ANK1: variants seen among roughly 807,000 people sequenced by gnomAD.
ANK1 encodes the protein ankyrin 1.
ANK1 carries 51 observed loss-of-function variants against 210.4 expected under a neutral mutation model. That is an observed-to-expected ratio of 0.24 (90% CI 0.19 to 0.31). ANK1 has a LOEUF of 0.31. ANK1 is among the 10% of genes least tolerant of loss of function. ANK1 has a pLI of 1.00. For synonymous variants in ANK1, 967 were observed against 1,025.9 expected (o/e 0.94, Z 1.10); for missense variants, 2,051 against 2,504.4 (o/e 0.82, Z 3.86).
At chr8:41,839,091 T>TATTCTCAAA (rs1808370261) in intron 1 of ANK1, among the ~76,000 whole-genome samples, 1 of 151,922 alleles carries the variant, frequency 6.6e-6, no homozygotes, top group Non-Finnish European at 1.5e-5. Context: ...AATAAATAAA[T>TATTCTCAAA]AAATAAAGAT....
At chr8:41,781,366 C>T (rs982196112) in intron 1 of ANK1, among the ~76,000 whole-genome samples, 34 of 152,352 alleles carry the variant, frequency 2.2e-4, no homozygotes, top group African/African-American at 8.2e-4. Flanking sequence ...GGAAGGGCTA[C>T]CATGCCAGGC....
At chr8:41,890,704 G>A (rs1376432658) in intron 1 of ANK1, among the ~76,000 whole-genome samples, 31 of 120,472 alleles carry the variant, frequency 2.6e-4, no homozygotes, top group Admixed American at 6.5e-4. Flanking sequence ...GCGAGACTCC[G>A]TCTCAAAAAA....
intron 10 of ANK1, among the ~76,000 whole-genome samples, chr8:41,719,302 G>A (rs948728123): frequency 2.0e-5 from 3 of 152,110 alleles, no homozygotes; most frequent in Non-Finnish European, 2.9e-5. Flanking sequence ...AGAAAGCCAC[G>A]CAGCCTCTAA....
rs1195087627 is a variant in ANK1, at chr8:41,723,155, G to A, written c.879C>T (p.Asp293=). ...TTTTGGCTTGGATTGGTGCCCCGTG[G>A]TCCAGCAGGATCTCTGAGATTCGCA... ...GHVRISEILL[D]HGAPIQAKTK... Residue 293 remains aspartate, a synonymous_variant, in exon 9 of 43, where the codon GAC becomes GAT. Transcript: ENST00000289734. 2 of 1,614,184 alleles carry A rather than the reference G, an allele frequency of 1.2e-6. No homozygotes were observed. The highest frequency in any genetic ancestry group is 8.5e-7 in the Non-Finnish European group (1 of 1,180,046).
intron 1 of ANK1, among the ~76,000 whole-genome samples, chr8:41,889,896 C>A (rs566602850): frequency 6.6e-6 from 1 of 152,180 alleles, no homozygotes; most frequent in African/African-American, 2.4e-5. Flanking sequence ...CAGATTACTG[C>A]GCAGGTCTGC....
At chr8:41,855,643 C>T (rs758173788) in intron 1 of ANK1, among the ~76,000 whole-genome samples, 1 of 152,148 alleles carries the variant, frequency 6.6e-6, no homozygotes, top group East Asian at 1.9e-4. Flanking sequence ...CCCAGATAGC[C>T]GGCTCTCTGT....
chr8:41,659,342 T>C (rs907878658), intron 42 of ANK1, among the ~76,000 whole-genome samples: 1 of 152,110 alleles, frequency 6.6e-6, no homozygotes, highest in Non-Finnish European at 1.5e-5. Context: ...AGAGGCAGAG[T>C]GTGGCATTGT....
chr8:41,661,032 C>T, intron 42 of ANK1: 1 of 275,644 alleles, frequency 3.6e-6, no homozygotes, highest in Non-Finnish European at 7.1e-6. Flanking sequence ...GCATTTTTTT[C>T]TTTCTGGCTT....
chr8:41,743,489 T>G (rs1387183609), intron 2 of ANK1, among the ~76,000 whole-genome samples: 5 of 152,236 alleles, frequency 3.3e-5, no homozygotes, highest in Admixed American at 3.3e-4. Flanking sequence ...CTTTCCCATC[T>G]TCCCTTCTCA....
At chr8:41,663,535 G>T (rs1279238720) in intron 40 of ANK1, 124 bp downstream of exon 40, 1 of 946,030 alleles carries the variant, frequency 1.1e-6, no homozygotes, top group Non-Finnish European at 1.7e-6. Context: ...GAGCACGGGG[G>T]CAGCCAGCCT....
chr8:41,764,140 C>T (rs778571197), intron 1 of ANK1, among the ~76,000 whole-genome samples: 126 of 141,192 alleles, frequency 8.9e-4, no homozygotes, highest in Non-Finnish European at 1.5e-3. Flanking sequence ...AATAATCAAG[C>T]AATTGTGTTA....
chr8:41,896,667 G>T, exon 1 of ANK1: 1 of 705,586 alleles, frequency 1.4e-6, no homozygotes, highest in African/African-American at 1.9e-5. Flanking sequence ...GGAGGGCGAG[G>T]GGCGGCTGCC....
At chr8:41,780,042 C>T (rs1220181990) in intron 1 of ANK1, among the ~76,000 whole-genome samples, 3 of 152,192 alleles carry the variant, frequency 2.0e-5, no homozygotes, top group Non-Finnish European at 4.4e-5. Context: ...AGGCCACTAA[C>T]TCTAATTAGT....
intron 1 of ANK1, among the ~76,000 whole-genome samples, chr8:41,803,076 G>GA (rs1554630993): frequency 1.5e-4 from 4 of 27,172 alleles, no homozygotes; most frequent in African/African-American, 8.8e-4. Context: ...AGGAAGGAAG[G>GA]AAGGAAGGGA....
At chr8:41,706,324 G>A in intron 17 of ANK1, 83 bp from the exon 18 acceptor site, 1 of 1,307,630 alleles carries the variant, frequency 7.6e-7, no homozygotes, top group African/African-American at 1.5e-5. Flanking sequence ...TCTGGGAGCT[G>A]AAGCTAACTT....
In ANK1 at chr8:41,719,780, C is replaced by G. The variant is rs1828773354; in HGVS notation, c.988G>C (p.Glu330Gln). Residue 330 changes from glutamate (E) to glutamine (Q), a missense_variant, in exon 10 of 43, where the codon GAG (glutamate) becomes CAG (glutamine). Physicochemically the swap from Glu to Gln is conservative, Grantham distance 29. Coordinates refer to ENST00000289734, the MANE Select transcript of ANK1 (RefSeq NM_000037.4). ...CVRLLLQYDA[E>Q]IDDITLDHLT... ...TGGTCCAGGGTGATGTCGTCTATCTCTGCGTCGTATTGCAACAGGAGCCGG... is the reference window on the plus strand; with the variant it reads ...TGGTCCAGGGTGATGTCGTCTATCTGTGCGTCGTATTGCAACAGGAGCCGG... 1.2e-6 allele frequency: 2 copies of G among 1,614,106 alleles called. No individual in the cohort carries two copies. The highest frequency in any genetic ancestry group is 1.7e-6 in the Non-Finnish European group (2 of 1,180,044).
intron 39 of ANK1, 137 bp downstream of exon 39, chr8:41,668,130 G>T: frequency 1.6e-6 from 2 of 1,279,596 alleles, no homozygotes; most frequent in Non-Finnish European, 2.2e-6. Context: ...CTAGAGAAAC[G>T]GAAGCACCAC....
chr8:41,699,679 A>G, intron 22 of ANK1, 131 bp from the exon 23 acceptor site: 2 of 833,622 alleles, frequency 2.4e-6, no homozygotes, highest in Middle Eastern at 3.3e-4. Context: ...TGATGCTGCA[A>G]GGAGACTGGG....
At chr8:41,767,442 G>C (rs1354650882) in intron 1 of ANK1, among the ~76,000 whole-genome samples, 1 of 151,692 alleles carries the variant, frequency 6.6e-6, no homozygotes, top group Non-Finnish European at 1.5e-5. Context: ...TTATCTGCTG[G>C]GCGGCGCGGG....
Sources: allele counts gnomAD v4.1 joint callset (sites outside exome capture counted in the v4.1 genomes callset), GRCh38; gene constraint gnomAD v4.1.1; transcripts MANE v1.5; gene names NCBI Gene and HGNC (gene_info 2026-07-23, HGNC 2026-07-21).